The following B3GAT2 variants were observed in gnomAD, a reference collection of about 807,000 sequenced individuals.
The protein encoded by B3GAT2 is beta-1,3-glucuronyltransferase 2.
B3GAT2 carries 26 observed loss-of-function variants against 27.8 expected under a neutral mutation model. The observed-to-expected ratio is 0.93, with a 90% CI of 0.68 to 1.30. The LOEUF (loss-of-function observed/expected upper bound fraction) is 1.30. Ranked by LOEUF, B3GAT2 falls within the 50% of genes most tolerant of loss-of-function variation. The pLI is 0.00. For synonymous variants in B3GAT2, 218 were observed against 195.1 expected (o/e 1.12, Z -0.98); for missense variants, 458 against 459.0 (o/e 1.00, Z 0.02).
chr6:70,862,046 AT>A (rs1470140419), intron 2 of B3GAT2, 68 bp from the exon 3 acceptor site: 1 of 1,459,014 alleles, frequency 6.9e-7, no homozygotes, highest in East Asian at 2.4e-5. Context: ...TTTCTGTATA[AT>A]TTTGGTCACA....
chr6:70,927,589 C>G (rs1172307692), intron 1 of B3GAT2, among the ~76,000 whole-genome samples: 2 of 152,176 alleles, frequency 1.3e-5, no homozygotes, highest in Non-Finnish European at 2.9e-5. Context: ...AGGCCGTTAA[C>G]ATAATGGTAA....
Position 70,860,769 on chromosome 6 carries a change from T to C in B3GAT2, c.*894A>G, listed in dbSNP as rs1005687336. 2.5e-6 allele frequency: 1 copy of C among 399,384 alleles called. No homozygotes were observed. Among genetic ancestry groups the C allele is most frequent in the African/African-American group, 2.1e-5 (1 of 48,610 alleles). 24.7% of individuals were successfully genotyped at this position (399,384 alleles called of 1,614,324 possible). ...AATGTTTAATCATATAAATAGAATG[T>C]AAATGTCTCACTGAGCACTGTTTTC... On this transcript the variant is annotated 3_prime_UTR_variant, in exon 4 of 4. Coordinates refer to ENST00000230053, the MANE Select transcript of B3GAT2 (RefSeq NM_080742.3).
chr6:70,857,530 CA>C lies in B3GAT2; in HGVS notation c.*4132del, dbSNP rs1264933363. Reference sequence around the variant, plus strand: ...TCACATGTGAGCTAAAATTGTTGGGCAGCCCACTACACCTATTGAAGCGAGA... The same window carrying C: ...TCACATGTGAGCTAAAATTGTTGGGCGCCCACTACACCTATTGAAGCGAGA... On this transcript the variant is annotated 3_prime_UTR_variant, in exon 4 of 4. Coordinates refer to ENST00000230053, the MANE Select transcript of B3GAT2 (RefSeq NM_080742.3). 5.6e-6 allele frequency: 1 copy of C among 178,928 alleles called. No homozygotes were observed. Among genetic ancestry groups the C allele is most frequent in the Non-Finnish European group, 1.2e-5 (1 of 85,028 alleles). 11.1% of individuals were successfully genotyped at this position (178,928 alleles called of 1,614,324 possible).
chr6:70,945,876 G>A lies in B3GAT2; in HGVS notation c.591+9963C>T, dbSNP rs530758280. 4.0e-3 allele frequency among the ~76,000 whole-genome samples: 611 copies of A among 151,688 alleles called. 5 individuals are homozygous for A. The highest frequency in any genetic ancestry group is 0.014 in the African/African-American group (565 of 41,308). On this transcript the variant is annotated intron_variant, in intron 1 of 3. Transcript: ENST00000230053. ...CCATCAGACTAACAGCCGATCTCTC[G>A]GCAGAAACTCTACAAGCCAGAAGAG...
At chr6:70,870,273 C>A (rs62419741) in intron 2 of B3GAT2, among the ~76,000 whole-genome samples, 15,748 of 151,120 alleles carry the variant, frequency 0.1, 899 homozygotes, top group Middle Eastern at 0.19. Context: ...CCATCATTCT[C>A]AGCAAACTAT....
At chr6:70,875,350 A>G (rs535417100) in intron 2 of B3GAT2, among the ~76,000 whole-genome samples, 2 of 152,370 alleles carry the variant, frequency 1.3e-5, no homozygotes, top group African/African-American at 2.4e-5. Flanking sequence ...ATGTGTTAGT[A>G]AAATTGATTT....
rs539294777 is a variant in B3GAT2 at position 70,886,782 on chromosome 6, CCTGCAAGTCTCTAGA to C, written c.736+7331_736+7345del. ...GACACAGTACTGTGGGCATCAAATCCCTGCAAGTCTCTAGACTGCACCATGTTCTAGAAATAGATT... is the reference window on the plus strand; with the variant it reads ...GACACAGTACTGTGGGCATCAAATCCCTGCACCATGTTCTAGAAATAGATT... On this transcript the variant is annotated intron_variant, in intron 2 of 3. Coordinates refer to ENST00000230053, the MANE Select transcript of B3GAT2 (RefSeq NM_080742.3). Among the ~76,000 whole-genome samples, 15 of 152,256 alleles carry C rather than the reference CCTGCAAGTCTCTAGA, an allele frequency of 9.9e-5. No individual in the cohort carries two copies. In the East Asian group the frequency reaches 2.9e-3, roughly 29 times the overall value.
intron 2 of B3GAT2, among the ~76,000 whole-genome samples, chr6:70,884,016 G>A (rs62419742): frequency 0.022 from 3,273 of 148,714 alleles, 56 homozygotes; most frequent in Non-Finnish European, 0.033. Context: ...CGAGCCACAG[G>A]AAGGAAATAG....
At chr6:70,865,098 C>CA (rs766906089) in intron 2 of B3GAT2, among the ~76,000 whole-genome samples, 24 of 151,980 alleles carry the variant, frequency 1.6e-4, no homozygotes, top group Non-Finnish European at 3.2e-4. Context: ...GAAAATAAAA[C>CA]AAAAAAATGA....
chr6:70,905,326 GC>G (rs1279791423), intron 1 of B3GAT2, among the ~76,000 whole-genome samples: 1 of 152,102 alleles, frequency 6.6e-6, no homozygotes, highest in African/African-American at 2.4e-5. Flanking sequence ...AGTCAAATGA[GC>G]TTTGTCTATT....
At chr6:70,933,193 G>A (rs1162670970) in intron 1 of B3GAT2, among the ~76,000 whole-genome samples, 1 of 152,062 alleles carries the variant, frequency 6.6e-6, no homozygotes, top group African/African-American at 2.4e-5. Flanking sequence ...ATTTTCAGAG[G>A]AACAGCTGGG....
chr6:70,929,390 G>A (rs576172992), intron 1 of B3GAT2, among the ~76,000 whole-genome samples: 49 of 151,988 alleles, frequency 3.2e-4, no homozygotes, highest in Non-Finnish European at 5.4e-4. Context: ...ATTCAATCAC[G>A]AAAACAGGAA....
intron 1 of B3GAT2, among the ~76,000 whole-genome samples, chr6:70,946,999 T>A: frequency 6.6e-6 from 1 of 151,592 alleles, no homozygotes; most frequent in African/African-American, 2.4e-5. Flanking sequence ...CATAACGAAA[T>A]GAAGGCAGAA....
In B3GAT2 at chr6:70,861,718, A is replaced by G; in HGVS notation, c.917T>C (p.Val306Ala). Residue 306 changes from valine (V) to alanine (A), a missense_variant, in exon 4 of 4, where the codon GTT becomes GCT. Coordinates refer to ENST00000230053, the MANE Select transcript of B3GAT2 (RefSeq NM_080742.3). ...GTACTTTGGCTCGTTGGCTAGATTA[A>G]CCTTCTCTGTCCGAGTGTGCCACAC... ...VLVWHTRTEKVNLANEPKYHL... is the reference protein window; with the variant it reads ...VLVWHTRTEKANLANEPKYHL... 1 of 1,614,108 alleles carries G rather than the reference A, an allele frequency of 6.2e-7. No individual in the cohort carries two copies. The highest frequency in any genetic ancestry group is 8.5e-7 in the Non-Finnish European group (1 of 1,179,988).
intron 2 of B3GAT2, among the ~76,000 whole-genome samples, chr6:70,883,601 T>C (rs914045969): frequency 5.9e-5 from 9 of 152,252 alleles, no homozygotes; most frequent in Admixed American, 3.9e-4. Flanking sequence ...TTAGTGAGCA[T>C]AGAATTTTGG....
Position 70,858,146 on chromosome 6 carries a change from G to A in B3GAT2, c.*3517C>T, listed in dbSNP as rs758377615. On this transcript the variant is annotated 3_prime_UTR_variant, in exon 4 of 4. Transcript: ENST00000230053. ...TCCTCAGAACGTTGTTGGCCCCCAA[G>A]GAGGAATGGTGGGACAAATGGGTGC... 3.7e-6 allele frequency: 6 copies of A among 1,614,098 alleles called. No individual in the cohort carries two copies. Among genetic ancestry groups the A allele is most frequent in the East Asian group, 4.5e-5 (2 of 44,866 alleles).
Position 70,860,276 on chromosome 6 carries a change from C to G in B3GAT2, c.*1387G>C, listed in dbSNP as rs767523193. The stretch of plus-strand genomic sequence containing the variant: ...GGTTTTGGCCAGCCCTCCAGCACAA[C>G]AGCAGGATGGTCTGGAAGCTCATCA... On this transcript the variant is annotated 3_prime_UTR_variant, in exon 4 of 4. Coordinates refer to ENST00000230053, the MANE Select transcript of B3GAT2 (RefSeq NM_080742.3). The G allele has an allele frequency of 1.2e-6, 2 of 1,613,816 alleles. No individual in the cohort carries two copies. Among genetic ancestry groups the G allele is most frequent in the Non-Finnish European group, 8.5e-7 (1 of 1,179,858 alleles).
At chr6:70,911,520 A>G (rs979311417) in intron 1 of B3GAT2, among the ~76,000 whole-genome samples, 1 of 152,086 alleles carries the variant, frequency 6.6e-6, no homozygotes, top group Admixed American at 6.6e-5. Context: ...GTTTTTGTAC[A>G]AGTACCATGC....
At chr6:70,884,148 T>C (rs1249221964) in intron 2 of B3GAT2, among the ~76,000 whole-genome samples, 7 of 147,138 alleles carry the variant, frequency 4.8e-5, no homozygotes, top group African/African-American at 1.8e-4. Flanking sequence ...ATACCAGGCC[T>C]CACCCTCAGA....
Sources: allele counts gnomAD v4.1 joint callset (sites outside exome capture counted in the v4.1 genomes callset), GRCh38; gene constraint gnomAD v4.1.1; transcripts MANE v1.5; gene names NCBI Gene and HGNC (gene_info 2026-07-23, HGNC 2026-07-21).